FGD4: variants seen among roughly 807,000 people sequenced by gnomAD.
FGD4 encodes FYVE, RhoGEF and PH domain-containing protein 4.
A neutral mutation model predicts 102.0 loss-of-function variants in FGD4; 42 were observed. That is an observed-to-expected ratio of 0.41 (90% CI 0.32 to 0.53). The LOEUF (loss-of-function observed/expected upper bound fraction) is 0.53. Ranked by LOEUF, FGD4 falls within the 20% of genes least tolerant of loss-of-function variation. FGD4 has a pLI of 0.21. For synonymous variants in FGD4, 380 were observed against 375.7 expected, an observed-to-expected ratio of 1.01 and a Z score of -0.13; for missense variants, 902 against 1,078.2, an observed-to-expected ratio of 0.84 and a Z score of 2.29.
chr12:32,476,078 C>T (rs1045440387), intron 1 of FGD4, among the ~76,000 whole-genome samples: 3 of 152,144 alleles, frequency 2.0e-5, no homozygotes, highest in Non-Finnish European at 4.4e-5. Flanking sequence ...GGTACCCTTT[C>T]TGTTCTCCAT....
chr12:32,490,428 G>A (rs540668157), intron 1 of FGD4, among the ~76,000 whole-genome samples: 1 of 114,842 alleles, frequency 8.7e-6, no homozygotes, highest in South Asian at 2.9e-4. Flanking sequence ...AGATAGTCTT[G>A]CTCTGTTACC....
At chr12:32,610,749 A>G (rs1949086751) in intron 8 of FGD4, 27 bp from the exon 9 acceptor site, 2 of 1,595,896 alleles carry the variant, frequency 1.3e-6, no homozygotes, top group Non-Finnish European at 8.6e-7. Flanking sequence ...AAGCATATTT[A>G]TTTACTTTTC....
intron 1 of FGD4, among the ~76,000 whole-genome samples, chr12:32,495,781 G>A (rs936376362): frequency 1.3e-5 from 2 of 150,276 alleles, no homozygotes; most frequent in South Asian, 2.1e-4. Flanking sequence ...GATCTCACCC[G>A]CCTTGCATAT....
chr12:32,433,244 GC>G (rs1241023835), intron 1 of FGD4, among the ~76,000 whole-genome samples: 1 of 152,112 alleles, frequency 6.6e-6, no homozygotes, highest in Non-Finnish European at 1.5e-5. Flanking sequence ...TTACTCACCT[GC>G]CTCGGCTTCC....
chr12:32,399,746 C>T lies in FGD4; in HGVS notation c.-48C>T. 1 of 1,520,404 alleles carries T rather than the reference C, an allele frequency of 6.6e-7. No homozygotes were observed. The highest frequency in any genetic ancestry group is 8.8e-7 in the Non-Finnish European group (1 of 1,141,424). 94.2% of individuals were successfully genotyped at this position (1,520,404 alleles called of 1,614,324 possible). On this transcript the variant is annotated 5_prime_UTR_variant, in exon 1 of 17. Transcript: ENST00000534526. ...GACGCCCCCCAGGGGCCGCTCGCGG[C>T]TGGACGGGAGCGGGAGGAGTCGGGG...
At chr12:32,606,733 A>G (rs1318038112) in intron 7 of FGD4, among the ~76,000 whole-genome samples, 1 of 152,178 alleles carries the variant, frequency 6.6e-6, no homozygotes, top group East Asian at 1.9e-4. Flanking sequence ...AATTCAGTAT[A>G]TACTTTAATG....
chr12:32,495,695 C>CAAAAAAAAAAAAAAAAAAAAAAAAAAAAA (rs766436638), intron 1 of FGD4, among the ~76,000 whole-genome samples: 1 of 76,078 alleles, frequency 1.3e-5, no homozygotes, highest in African/African-American at 5.4e-5. Flanking sequence ...GACTCTGTTT[C>CAAAAAAAAAAAAAAAAAAAAAAAAAAAAA]AAAAAAAAAA....
intron 1 of FGD4, among the ~76,000 whole-genome samples, chr12:32,446,135 C>G (rs923922791): frequency 6.6e-6 from 1 of 152,192 alleles, no homozygotes; most frequent in African/African-American, 2.4e-5. Flanking sequence ...GCCTGGGCAA[C>G]TGCGGTGAGA....
chr12:32,595,387 T>G (rs1020281218), intron 4 of FGD4, among the ~76,000 whole-genome samples: 1 of 152,244 alleles, frequency 6.6e-6, no homozygotes, highest in Non-Finnish European at 1.5e-5. Context: ...TGAAGTTTAT[T>G]GGCTTCATTC....
intron 12 of FGD4, 156 bp downstream of exon 12, chr12:32,624,608 C>CT (rs1258222259): frequency 1.4e-5 from 10 of 708,672 alleles, no homozygotes; most frequent in African/African-American, 7.1e-5. Flanking sequence ...GTAGCTGGGA[C>CT]TATAGGCGTG....
intron 1 of FGD4, among the ~76,000 whole-genome samples, chr12:32,431,469 G>T (rs73088096): frequency 0.18 from 26,986 of 152,058 alleles, 2,987 homozygotes; most frequent in East Asian, 0.27. Flanking sequence ...AAAGCTAGTT[G>T]CTTACACTCA....
chr12:32,465,486 G>A (rs1943227532), intron 1 of FGD4, among the ~76,000 whole-genome samples: 1 of 151,922 alleles, frequency 6.6e-6, no homozygotes, highest in Non-Finnish European at 1.5e-5. Flanking sequence ...CGGCCAACAT[G>A]GTAAAACCCC....
At chr12:32,548,239 G>C (rs1943382370) in intron 1 of FGD4, among the ~76,000 whole-genome samples, 1 of 152,070 alleles carries the variant, frequency 6.6e-6, no homozygotes, top group Admixed American at 6.6e-5. Flanking sequence ...TGTGTGAGGG[G>C]GTGGTTGGAT....
chr12:32,521,545 A>AT (rs1940557101), intron 1 of FGD4, among the ~76,000 whole-genome samples: 1 of 152,178 alleles, frequency 6.6e-6, no homozygotes, highest in Non-Finnish European at 1.5e-5. Flanking sequence ...CTTTATAAAA[A>AT]ACATTCCCAA....
chr12:32,507,176 G>A (rs917153550), intron 1 of FGD4, among the ~76,000 whole-genome samples: 7 of 148,330 alleles, frequency 4.7e-5, no homozygotes, highest in Admixed American at 2.7e-4. Context: ...GAGAACATGC[G>A]GTGTTTGGTT....
chr12:32,599,556 TTTTTTTTTG>T (rs1330980438), intron 5 of FGD4, among the ~76,000 whole-genome samples: 1,083 of 64,170 alleles, frequency 0.017, 32 homozygotes, highest in African/African-American at 0.068. Flanking sequence ...TTTTTTTTTT[TTTTTTTTTG>T]GAGATGGAGT....
At chr12:32,401,435 T>C (rs189795306) in intron 1 of FGD4, among the ~76,000 whole-genome samples, 6 of 152,030 alleles carry the variant, frequency 3.9e-5, no homozygotes, top group African/African-American at 1.4e-4. Flanking sequence ...AATTTTTCTG[T>C]TTTTAGTAGA....
intron 10 of FGD4, among the ~76,000 whole-genome samples, chr12:32,618,409 G>A (rs1459589540): frequency 2.6e-5 from 4 of 151,222 alleles, no homozygotes; most frequent in African/African-American, 4.9e-5. Context: ...GCAAGCTGTG[G>A]CCTTAATCAG....
At chr12:32,557,771 G>C (rs1944240578) in intron 1 of FGD4, among the ~76,000 whole-genome samples, 1 of 152,110 alleles carries the variant, frequency 6.6e-6, no homozygotes, top group South Asian at 2.1e-4. Context: ...TGTAAACTAT[G>C]AGTTTTATAA....
Sources: gnomAD v4.1 joint callset for allele counts (sites outside exome capture counted in the v4.1 genomes callset) on GRCh38, gnomAD v4.1.1 for gene constraint, MANE v1.5 for transcripts, NCBI Gene and HGNC (gene_info 2026-07-23, HGNC 2026-07-21) for gene names.